XYLB: variants seen among roughly 807,000 people sequenced by gnomAD.
XYLB encodes xylulose kinase.
Under a neutral mutation model 78.7 loss-of-function variants are expected in XYLB, and 62 were observed. The ratio of observed to expected loss-of-function variants is 0.79; its 90% CI spans 0.64 to 0.97. The LOEUF (loss-of-function observed/expected upper bound fraction) is 0.97. Among genes scored for constraint, XYLB ranks in the 50% least tolerant of loss-of-function variants. The probability of loss-of-function intolerance (pLI) is 0.00; values close to 1 mark genes in which losing one functional copy is unlikely to be tolerated. For missense variants in XYLB, 687 were observed against 676.8 expected (o/e 1.02, Z -0.17); for synonymous variants, 245 against 247.4 (o/e 0.99, Z 0.09).
At chr3:38,445,101 C>A in the XYLB span, among the ~76,000 whole-genome samples, 1 of 152,180 alleles carries the variant, frequency 6.6e-6, no homozygotes, top group African/African-American at 2.4e-5. Context: ...GACCTTACCC[C>A]TTTCCTATAA....
At position 38,371,626 on chromosome 3, in the gene XYLB, G is replaced by A. The variant is rs140989796; in HGVS notation, c.766-1029G>A. Among the ~76,000 whole-genome samples the A allele has an allele frequency of 6.7e-3, 1,020 of 152,124 alleles. 7 individuals are homozygous for A. Among genetic ancestry groups the A allele is most frequent in the Middle Eastern group, 0.031 (9 of 294 alleles). ...GGGTCTCACTATGTTGCTTAGATTGGGCAATTCTGCCTCAGTCTCCCAAAG... is the reference window on the plus strand; with the variant it reads ...GGGTCTCACTATGTTGCTTAGATTGAGCAATTCTGCCTCAGTCTCCCAAAG... On this transcript the variant is annotated intron_variant, in intron 9 of 18. Transcript: ENST00000207870.
chr3:38,439,090 C>T, the XYLB span, among the ~76,000 whole-genome samples: 2 of 152,208 alleles, frequency 1.3e-5, no homozygotes, highest in African/African-American at 4.8e-5. Flanking sequence ...AGAAGTCCAA[C>T]TGGCTTCACC....
intron 10 of XYLB, among the ~76,000 whole-genome samples, chr3:38,374,250 C>T (rs958341039): frequency 6.6e-6 from 1 of 151,522 alleles, no homozygotes; most frequent in African/African-American, 2.4e-5. Flanking sequence ...CTCAAATCAG[C>T]GGCCCTGCTA....
chr3:38,406,945 T>C (rs1361032425), intron 18 of XYLB, among the ~76,000 whole-genome samples: 11 of 150,860 alleles, frequency 7.3e-5, no homozygotes, highest in Non-Finnish European at 1.2e-4. Flanking sequence ...TGGAACCAAG[T>C]TGGAAAACAC....
In XYLB at chr3:38,397,255, T is replaced by C. The variant is rs1379631718; in HGVS notation, c.1438+96T>C. 15 of 1,165,840 alleles carry C rather than the reference T, an allele frequency of 1.3e-5. No homozygotes were observed. The Admixed American group carries it at 2.7e-4, about 21-fold the overall frequency. The allele number at this position is 1,165,840 out of a possible 1,614,324, so 72.2% of individuals were successfully genotyped here. A position where few individuals can be genotyped will look rare whatever the true frequency, so the allele number is the denominator to read the frequency against. ...AGGGGAGAGTGAGGTGTACCCAGTCTTTGGGGACATTGGAGTCTTGGGGAC... is the reference window on the plus strand; with the variant it reads ...AGGGGAGAGTGAGGTGTACCCAGTCCTTGGGGACATTGGAGTCTTGGGGAC... On this transcript the variant is annotated intron_variant, in intron 17 of 18. Transcript: ENST00000207870.
At chr3:38,407,403 C>A (rs981039068) in intron 18 of XYLB, among the ~76,000 whole-genome samples, 228 of 152,322 alleles carry the variant, frequency 1.5e-3, no homozygotes, top group African/African-American at 5.1e-3. Context: ...TGGAAAGGAA[C>A]AACCTGTACC....
At chr3:38,355,435 G>A (rs1467076340) in intron 2 of XYLB, among the ~76,000 whole-genome samples, 1 of 152,098 alleles carries the variant, frequency 6.6e-6, no homozygotes, top group Non-Finnish European at 1.5e-5. Context: ...GTTTTGAAGT[G>A]GTTTGTGACA....
the XYLB span, among the ~76,000 whole-genome samples, chr3:38,435,931 AG>A: frequency 6.6e-6 from 1 of 152,196 alleles, no homozygotes; most frequent in African/African-American, 2.4e-5. Context: ...ATACAGCAAA[AG>A]TAGTGCAAAA....
the XYLB span, among the ~76,000 whole-genome samples, chr3:38,439,594 C>G: frequency 6.6e-6 from 1 of 152,056 alleles, no homozygotes; most frequent in Non-Finnish European, 1.5e-5. Flanking sequence ...AACCCTGTCT[C>G]TACTAAAAAT....
the XYLB span, among the ~76,000 whole-genome samples, chr3:38,430,589 T>A: frequency 6.6e-6 from 1 of 152,230 alleles, no homozygotes; most frequent in South Asian, 2.1e-4. Flanking sequence ...TTGGCTTTTG[T>A]TGCCATTGCT....
At chr3:38,393,098 C>T (rs1707735401) in intron 15 of XYLB, among the ~76,000 whole-genome samples, 1 of 152,138 alleles carries the variant, frequency 6.6e-6, no homozygotes, top group African/African-American at 2.4e-5. Flanking sequence ...CCCCCTTTAT[C>T]ATTTATCCAG....
chr3:38,388,489 A>G (rs1707494382), intron 15 of XYLB, among the ~76,000 whole-genome samples: 1 of 152,140 alleles, frequency 6.6e-6, no homozygotes. Context: ...TAGGATAAAT[A>G]TGTGCAATTT....
chr3:38,390,434 G>A (rs1241982521), intron 15 of XYLB, among the ~76,000 whole-genome samples: 2 of 152,008 alleles, frequency 1.3e-5, no homozygotes, highest in Non-Finnish European at 2.9e-5. Context: ...GGCTGGTCTC[G>A]AACTCCTGAC....
the XYLB span, among the ~76,000 whole-genome samples, chr3:38,435,841 G>A: frequency 6.6e-6 from 1 of 152,000 alleles, no homozygotes; most frequent in African/African-American, 2.4e-5. Flanking sequence ...GCTCCTGAAC[G>A]ACAATTGAGT....
intron 3 of XYLB, among the ~76,000 whole-genome samples, chr3:38,361,662 G>A (rs925801098): frequency 6.6e-5 from 10 of 152,186 alleles, no homozygotes; most frequent in African/African-American, 2.4e-4. Context: ...GAGGTGAGCA[G>A]TGGGTGAGAA....
chr3:38,365,136 G>A (rs1706178691), intron 4 of XYLB, 63 bp from the exon 5 acceptor site: 1 of 1,516,790 alleles, frequency 6.6e-7, no homozygotes, highest in African/African-American at 1.4e-5. Flanking sequence ...GTCTTTCTGT[G>A]TCTTCAGGAG....
At chr3:38,396,252 G>T (rs1045215943) in intron 16 of XYLB, among the ~76,000 whole-genome samples, 3 of 152,194 alleles carry the variant, frequency 2.0e-5, no homozygotes, top group Non-Finnish European at 4.4e-5. Flanking sequence ...GAGGGACTCA[G>T]GGCAGTGCAG....
At chr3:38,422,247 G>A (rs1263649604), downstream of XYLB, among the ~76,000 whole-genome samples, 3 of 152,170 alleles carry the variant, frequency 2.0e-5, no homozygotes, top group East Asian at 5.8e-4. Context: ...TCAGATTACA[G>A]TGGGGAAATT....
At position 38,387,818 on chromosome 3, in the gene XYLB, T is replaced by C. The variant is rs147600537; in HGVS notation, c.1292-7687T>C. ...CATTTCATTCTCTTATACTTTCTTATGTCTCTGCTGAAATTTTTCATATTT... is the reference window on the plus strand; with the variant it reads ...CATTTCATTCTCTTATACTTTCTTACGTCTCTGCTGAAATTTTTCATATTT... On this transcript the variant is annotated intron_variant, in intron 15 of 18. Transcript: ENST00000207870. Among the ~76,000 whole-genome samples, 398 of 152,356 alleles carry C rather than the reference T, an allele frequency of 2.6e-3. 2 individuals carry two copies. The highest frequency in any genetic ancestry group is 9.2e-3 in the African/African-American group (383 of 41,594).
Sources: allele counts gnomAD v4.1 joint callset (sites outside exome capture counted in the v4.1 genomes callset), GRCh38; gene constraint gnomAD v4.1.1; transcripts MANE v1.5; gene names NCBI Gene and HGNC (gene_info 2026-07-23, HGNC 2026-07-21).